Variants in EXOC6B observed in about 807,000 individuals in gnomAD.
The protein encoded by EXOC6B is exocyst complex component 6B, also known as SEC15 homolog B.
EXOC6B carries 54 observed loss-of-function variants against 113.5 expected under a neutral mutation model. That is an observed-to-expected ratio of 0.48 (90% CI 0.38 to 0.60). The LOEUF (loss-of-function observed/expected upper bound fraction) is 0.60, where lower values mean the gene tolerates loss of function less well. EXOC6B is among the 20% of genes least tolerant of loss of function. EXOC6B has a pLI of 0.00. For missense variants in EXOC6B, 797 were observed against 977.5 expected, an observed-to-expected ratio of 0.82 and a Z score of 2.46; for synonymous variants, 357 against 339.0, an observed-to-expected ratio of 1.05 and a Z score of -0.58.
At chr2:72,800,501 A>G (rs1685218773) in intron 1 of EXOC6B, among the ~76,000 whole-genome samples, 1 of 152,218 alleles carries the variant, frequency 6.6e-6, no homozygotes, top group South Asian at 2.1e-4. Context: ...TTTTTATACT[A>G]TTTTGAAGTT....
intron 20 of EXOC6B, among the ~76,000 whole-genome samples, chr2:72,324,214 A>G (rs1455668903): frequency 6.6e-6 from 1 of 152,220 alleles, no homozygotes; most frequent in African/African-American, 2.4e-5. Context: ...AAAATAAAGC[A>G]AATGACTTGT....
chr2:72,768,670 C>G (rs977248696), intron 1 of EXOC6B, among the ~76,000 whole-genome samples: 1 of 146,676 alleles, frequency 6.8e-6, no homozygotes, highest in Admixed American at 6.9e-5. Flanking sequence ...ATTTTTAAAT[C>G]TGTAACTCTC....
intron 20 of EXOC6B, among the ~76,000 whole-genome samples, chr2:72,291,606 T>C (rs1398384246): frequency 7.2e-5 from 11 of 152,210 alleles, no homozygotes; most frequent in Admixed American, 7.2e-4. Context: ...GTGCCTTGGT[T>C]GTTTTCCACT....
chr2:72,601,176 G>GCGTGTGTGTA (rs757799354), intron 6 of EXOC6B, among the ~76,000 whole-genome samples: 5 of 147,646 alleles, frequency 3.4e-5, no homozygotes, highest in South Asian at 2.1e-4. Flanking sequence ...GTGTGTGTGT[G>GCGTGTGTGTA]TATATCTTTT....
chr2:72,277,941 G>A (rs1448451731), intron 20 of EXOC6B, among the ~76,000 whole-genome samples: 3 of 151,820 alleles, frequency 2.0e-5, no homozygotes, highest in Non-Finnish European at 4.4e-5. Context: ...ATTTTGCTCA[G>A]TTGCAATATA....
intron 20 of EXOC6B, among the ~76,000 whole-genome samples, chr2:72,315,096 T>C (rs1023916716): frequency 3.3e-5 from 5 of 152,078 alleles, no homozygotes; most frequent in Non-Finnish European, 4.4e-5. Context: ...CAGAGGGAAG[T>C]TGCAATCTTA....
chr2:72,477,844 T>C (rs575241081), intron 17 of EXOC6B, among the ~76,000 whole-genome samples: 5 of 152,348 alleles, frequency 3.3e-5, no homozygotes, highest in African/African-American at 9.6e-5. Context: ...ATCCAAATGA[T>C]TTAATTTCTC....
chr2:72,720,467 G>A (rs1181006158), intron 5 of EXOC6B, among the ~76,000 whole-genome samples: 1 of 152,176 alleles, frequency 6.6e-6, no homozygotes, highest in Non-Finnish European at 1.5e-5. Context: ...AAACCACAAG[G>A]CTGGGCACAG....
At chr2:72,811,139 C>A (rs1685896090) in intron 1 of EXOC6B, among the ~76,000 whole-genome samples, 1 of 151,986 alleles carries the variant, frequency 6.6e-6, no homozygotes, top group African/African-American at 2.4e-5. Context: ...TCAAGACCAG[C>A]CCGTCTCTAC....
chr2:72,668,242 CTT>C (rs1675535862), intron 6 of EXOC6B, among the ~76,000 whole-genome samples: 1 of 152,066 alleles, frequency 6.6e-6, no homozygotes, highest in Admixed American at 6.6e-5. Context: ...CAGAATGGCT[CTT>C]GTTAAGAAGT....
intron 6 of EXOC6B, among the ~76,000 whole-genome samples, chr2:72,617,585 C>T (rs1044364670): frequency 4.0e-4 from 54 of 135,804 alleles, no homozygotes; most frequent in Admixed American, 1.5e-3. Flanking sequence ...TGCAAAGGCG[C>T]GATCTCAGCT....
intron 6 of EXOC6B, among the ~76,000 whole-genome samples, chr2:72,653,978 T>TA: frequency 6.6e-6 from 1 of 151,428 alleles, no homozygotes; most frequent in South Asian, 2.1e-4. Flanking sequence ...TTATTTTTTT[T>TA]TTTTTTTTTG....
chr2:72,771,516 A>G (rs769184241), intron 1 of EXOC6B, among the ~76,000 whole-genome samples: 10 of 152,218 alleles, frequency 6.6e-5, no homozygotes, highest in South Asian at 2.1e-4. Context: ...CCAAATTCCA[A>G]TTTTGAAGAT....
intron 6 of EXOC6B, among the ~76,000 whole-genome samples, chr2:72,624,537 TCAAGATCACCCTGGGCAACAACATAG>T (rs1458138408): frequency 1.3e-5 from 2 of 152,138 alleles, no homozygotes; most frequent in Non-Finnish European, 2.9e-5. Flanking sequence ...GACCAGGAAT[TCAAGATCACCCTGGGCAACAACATAG>T]CAAGATCACC....
intron 6 of EXOC6B, among the ~76,000 whole-genome samples, chr2:72,625,290 T>C (rs1041575159): frequency 8.6e-5 from 13 of 151,534 alleles, no homozygotes; most frequent in African/African-American, 2.9e-4. Flanking sequence ...TATATATATA[T>C]ACCTAAAAAA....
chr2:72,664,408 G>C (rs930974244), intron 6 of EXOC6B, among the ~76,000 whole-genome samples: 1 of 152,132 alleles, frequency 6.6e-6, no homozygotes, highest in Non-Finnish European at 1.5e-5. Flanking sequence ...GGGAAGCGGG[G>C]AGTGACATTG....
intron 19 of EXOC6B, among the ~76,000 whole-genome samples, chr2:72,337,313 T>C (rs554883342): frequency 4.6e-5 from 7 of 152,308 alleles, no homozygotes; most frequent in African/African-American, 1.7e-4. Flanking sequence ...CACTTGGCAT[T>C]GCATAACTCA....
At chr2:72,523,654 G>T (rs933510335) in intron 8 of EXOC6B, among the ~76,000 whole-genome samples, 2 of 151,840 alleles carry the variant, frequency 1.3e-5, no homozygotes, top group African/African-American at 4.8e-5. Context: ...GGTGGCAGGC[G>T]CCTGCAGTCC....
At chr2:72,821,565 C>T (rs1218934082) in intron 1 of EXOC6B, among the ~76,000 whole-genome samples, 4 of 152,004 alleles carry the variant, frequency 2.6e-5, no homozygotes, top group Non-Finnish European at 5.9e-5. Context: ...ATGGAAACAA[C>T]CCAAATGTCC....
Sources: allele counts gnomAD v4.1 joint callset (sites outside exome capture counted in the v4.1 genomes callset), GRCh38; gene constraint gnomAD v4.1.1; transcripts MANE v1.5; gene names NCBI Gene and HGNC (gene_info 2026-07-23, HGNC 2026-07-21).